Variants in LRRN3 observed in about 807,000 individuals in gnomAD.
LRRN3 encodes leucine rich repeat neuronal 3.
In LRRN3, 15 loss-of-function variants were observed where a neutral mutation model predicts 40.1. That is an observed-to-expected ratio of 0.37 (90% CI 0.25 to 0.58). The LOEUF (loss-of-function observed/expected upper bound fraction) is 0.58, where lower values mean the gene tolerates loss of function less well. Ranked by LOEUF, LRRN3 falls within the 20% of genes least tolerant of loss-of-function variation. The pLI, the probability that LRRN3 is intolerant of heterozygous loss-of-function variation, is 0.72. For missense variants in LRRN3, 746 were observed against 837.7 expected, an observed-to-expected ratio of 0.89 and a Z score of 1.35; for synonymous variants, 308 against 297.2, an observed-to-expected ratio of 1.04 and a Z score of -0.37.
chr7:111,124,284 T>C lies in LRRN3; in HGVS notation c.1512T>C (p.Ala504=), dbSNP rs148639592. ...GTATAGCAACTAACCTAGTTGGCGC[T>C]GACTTGAAGTCTGTTATGATCAAAG... ...YTCIATNLVG[A]DLKSVMIKVD... is the part of the protein sequence containing the mutation. Residue 504 remains alanine (A), a synonymous_variant, in exon 3 of 3, where the codon GCT becomes GCC. Coordinates refer to ENST00000308478, the MANE Select transcript of LRRN3 (RefSeq NM_001099658.2). 6.2e-7 allele frequency: 1 copy of C among 1,613,890 alleles called. No individual in the cohort carries two copies. The highest frequency in any genetic ancestry group is 8.5e-7 in the Non-Finnish European group (1 of 1,179,986).
rs398005852 is a variant in LRRN3 at position 111,124,932 on chromosome 7, C to CAAAAAAAAAAA, written c.*36_*46dup. On this transcript the variant is annotated 3_prime_UTR_variant, in exon 3 of 3. Transcript: ENST00000308478. ...CAAGGAAACCTACTCCAAAAATGAA[C>CAAAAAAAAAAA]AAAAAAAAAAAAAGCGAAAGACTGC... The CAAAAAAAAAAA allele has an allele frequency of 2.2e-6, 2 of 889,296 alleles. No individual in the cohort carries two copies. Among genetic ancestry groups the CAAAAAAAAAAA allele is most frequent in the Non-Finnish European group, 1.5e-6 (1 of 655,170 alleles). 55.1% of individuals were successfully genotyped at this position (889,296 alleles called of 1,614,324 possible). A position where few individuals can be genotyped will look rare whatever the true frequency, so the allele number is the denominator to read the frequency against.
intron 1 of LRRN3, among the ~76,000 whole-genome samples, chr7:111,096,170 A>G (rs1418786189): frequency 6.6e-6 from 1 of 151,950 alleles, no homozygotes; most frequent in African/African-American, 2.4e-5. Flanking sequence ...TTTGCTCCTC[A>G]CAACAATCTG....
intron 2 of LRRN3, among the ~76,000 whole-genome samples, chr7:111,112,074 A>G (rs1380633183): frequency 6.7e-6 from 1 of 149,762 alleles, no homozygotes; most frequent in Non-Finnish European, 1.5e-5. Flanking sequence ...CAGCCTCCCG[A>G]GTAGCTGGGT....
rs913219592 is a variant in LRRN3 at position 111,091,327 on chromosome 7, T to C, written c.-618T>C. 7 of 152,136 alleles carry C rather than the reference T, an allele frequency of 4.6e-5. No homozygotes were observed. Among genetic ancestry groups the C allele is most frequent in the African/African-American group, 1.7e-4 (7 of 41,440 alleles). 9.4% of individuals were successfully genotyped at this position (152,136 alleles called of 1,614,324 possible). On this transcript the variant is annotated 5_prime_UTR_variant, in exon 1 of 3. Coordinates refer to ENST00000308478, the MANE Select transcript of LRRN3 (RefSeq NM_001099658.2). Reference sequence around the variant, plus strand: ...TATATTTTAAAATAGAGAGATAAGATTGCGTGCATGTGTGCATATCTATAG... The same window carrying C: ...TATATTTTAAAATAGAGAGATAAGACTGCGTGCATGTGTGCATATCTATAG...
chr7:111,096,205 G>T (rs1420058936), intron 1 of LRRN3, among the ~76,000 whole-genome samples: 2 of 151,906 alleles, frequency 1.3e-5, no homozygotes, highest in Admixed American at 1.3e-4. Flanking sequence ...ATATGATGAT[G>T]ATTAACATCT....
In LRRN3 at chr7:111,124,847, C is replaced by A. The variant is rs1562824422; in HGVS notation, c.2075C>A (p.Thr692Lys). Residue 692 changes from threonine (T) to lysine (K), a missense_variant, in exon 3 of 3, where the codon ACA becomes AAA. Thr to Lys is a moderately conservative substitution (Grantham distance 78). Coordinates refer to ENST00000308478, the MANE Select transcript of LRRN3 (RefSeq NM_001099658.2). Reference sequence around the variant, plus strand: ...TGGGAAGCAGGAAAAGAAAAAAGTACATCACTGAAAGTAAAAGCAACTGTT... The same window carrying A: ...TGGGAAGCAGGAAAAGAAAAAAGTAAATCACTGAAAGTAAAAGCAACTGTT... ...NLWEAGKEKS[T>K]SLKVKATVIG... is the part of the protein sequence containing the mutation. 2 of 1,598,622 alleles carry A rather than the reference C, an allele frequency of 1.3e-6. No individual in the cohort carries two copies. The highest frequency in any genetic ancestry group is 1.1e-5 in the South Asian group (1 of 90,700).
chr7:111,113,035 A>G (rs1264003198), intron 2 of LRRN3, among the ~76,000 whole-genome samples: 2 of 152,304 alleles, frequency 1.3e-5, no homozygotes, highest in Middle Eastern at 3.4e-3. Flanking sequence ...AATGAGAACC[A>G]TATTTTATTA....
At chr7:111,121,264 T>A (rs1193701090) in intron 2 of LRRN3, among the ~76,000 whole-genome samples, 2 of 152,210 alleles carry the variant, frequency 1.3e-5, no homozygotes, top group African/African-American at 2.4e-5. Context: ...TAGCTGTCTG[T>A]CAGATGAGTA....
intron 2 of LRRN3, among the ~76,000 whole-genome samples, chr7:111,122,172 T>G (rs529556906): frequency 1.3e-5 from 2 of 152,012 alleles, no homozygotes; most frequent in East Asian, 1.9e-4. Flanking sequence ...TGTATACATA[T>G]GTAACAAACC....
chr7:111,109,004 TG>T (rs1459987508), intron 2 of LRRN3, among the ~76,000 whole-genome samples: 1 of 152,182 alleles, frequency 6.6e-6, no homozygotes, highest in Non-Finnish European at 1.5e-5. Flanking sequence ...GTGGAGATGA[TG>T]GGAAGTAAGC....
intron 2 of LRRN3, among the ~76,000 whole-genome samples, chr7:111,108,188 G>C (rs1798765412): frequency 1.3e-5 from 2 of 152,118 alleles, no homozygotes; most frequent in Admixed American, 1.3e-4. Context: ...ATCACTATCA[G>C]CTGGCAACAA....
rs2129590870 is a variant in LRRN3 at position 111,125,444 on chromosome 7, T to C, written c.*545T>C. 6.0e-6 allele frequency: 1 copy of C among 167,216 alleles called. No homozygotes were observed. Among genetic ancestry groups the C allele is most frequent in the Middle Eastern group, 3.4e-3 (1 of 296 alleles). 10.4% of individuals were successfully genotyped at this position (167,216 alleles called of 1,614,324 possible). A position where few individuals can be genotyped will look rare whatever the true frequency, so the allele number is the denominator to read the frequency against. On this transcript the variant is annotated 3_prime_UTR_variant, in exon 3 of 3. Coordinates refer to ENST00000308478, the MANE Select transcript of LRRN3 (RefSeq NM_001099658.2). ...TGTTTTGTTTCTAAATAAAGAATAA[T>C]TTCTGGGAAATATCATCTGATCAGA...
chr7:111,099,323 T>C lies in LRRN3; in HGVS notation c.-440-558T>C, dbSNP rs143024896. Among the ~76,000 whole-genome samples, 85 of 151,792 alleles carry C rather than the reference T, an allele frequency of 5.6e-4. 2 individuals carry two copies. Among genetic ancestry groups the C allele is most frequent in the African/African-American group, 1.8e-3 (75 of 41,500 alleles). On this transcript the variant is annotated intron_variant, in intron 1 of 2. Coordinates refer to ENST00000308478, the MANE Select transcript of LRRN3 (RefSeq NM_001099658.2). ...CTCTTTTAAATGATGAAGATGAAAA[T>C]AGTCTGAATACAATTTCATTGCTAC...
At position 111,122,920 on chromosome 7, in the gene LRRN3, G is replaced by A. The variant is rs753730223; in HGVS notation, c.148G>A (p.Ala50Thr). The change falls in exon 3 of 3, where the codon GCA (alanine) becomes ACA (threonine). Residue 50 changes from alanine (A) to threonine (T), a missense_variant. Ala to Thr is a moderately conservative substitution (Grantham distance 58). Coordinates refer to ENST00000308478, the MANE Select transcript of LRRN3 (RefSeq NM_001099658.2). The stretch of plus-strand genomic sequence containing the variant: ...TACACCCAGATCCATTTATATGGAA[G>A]CATCTACAGTGGATTGTAATGATTT... ...WFTPRSIYME[A>T]STVDCNDLGL... is the part of the protein sequence containing the mutation. 1.7e-5 allele frequency: 27 copies of A among 1,614,042 alleles called. No individual in the cohort carries two copies. The Admixed American group carries it at 4.5e-4, about 27-fold the overall frequency.
chr7:111,105,605 A>G (rs912251025), intron 2 of LRRN3, among the ~76,000 whole-genome samples: 1 of 151,886 alleles, frequency 6.6e-6, no homozygotes, highest in African/African-American at 2.4e-5. Flanking sequence ...GTACTTTCTA[A>G]GAAACAAATA....
In LRRN3 at chr7:111,123,667, T is replaced by TC. The variant is rs1460814251; in HGVS notation, c.897dup (p.Ile300HisfsTer3). 6.2e-7 allele frequency: 1 copy of TC among 1,613,848 alleles called. No individual in the cohort carries two copies. The highest frequency in any genetic ancestry group is 1.3e-5 in the African/African-American group (1 of 74,892). On this transcript the variant is annotated frameshift_variant, in exon 3 of 3. Coordinates refer to ENST00000308478, the MANE Select transcript of LRRN3 (RefSeq NM_001099658.2). LOFTEE classifies it high-confidence loss of function. This position sits in a 1 kb window ranked among gnomAD's most constrained non-coding sequence, Gnocchi z 6.4. Reference sequence around the variant, plus strand: ...GATAAATAATATGCCTGAGCTGATTTCCATCGATAGTCTTGCTGTGGATAA... The same window carrying TC: ...GATAAATAATATGCCTGAGCTGATTTCCCATCGATAGTCTTGCTGTGGATAA...
chr7:111,092,295 C>G (rs778517395), intron 1 of LRRN3, among the ~76,000 whole-genome samples: 30 of 152,220 alleles, frequency 2.0e-4, no homozygotes, highest in Non-Finnish European at 3.4e-4. Context: ...AACAGGATCA[C>G]AGCAGGATGG....
At chr7:111,120,548 C>T (rs1247971945) in intron 2 of LRRN3, among the ~76,000 whole-genome samples, 4 of 152,108 alleles carry the variant, frequency 2.6e-5, no homozygotes, top group Non-Finnish European at 5.9e-5. Flanking sequence ...GGGACACAGC[C>T]AAACCATATC....
At chr7:111,094,640 A>C (rs1338137096) in intron 1 of LRRN3, among the ~76,000 whole-genome samples, 1 of 152,194 alleles carries the variant, frequency 6.6e-6, no homozygotes, top group Non-Finnish European at 1.5e-5. Flanking sequence ...ATGAGTACTT[A>C]GGAAAGCTTC....
Sources: allele counts gnomAD v4.1 joint callset (sites outside exome capture counted in the v4.1 genomes callset), GRCh38; gene constraint gnomAD v4.1.1; non-coding constraint Gnocchi (gnomAD v3.1); transcripts MANE v1.5; gene names NCBI Gene and HGNC (gene_info 2026-07-23, HGNC 2026-07-21).